Variants in ABLIM2 observed in about 807,000 individuals in gnomAD.
The protein encoded by ABLIM2 is actin binding LIM protein family member 2, also known as actin-binding LIM protein 2.
Under a neutral mutation model 97.7 loss-of-function variants are expected in ABLIM2, and 53 were observed. The ratio of observed to expected loss-of-function variants is 0.54; its 90% confidence interval spans 0.44 to 0.68. ABLIM2 has a LOEUF of 0.68. Among genes scored for constraint, ABLIM2 ranks in the 30% least tolerant of loss-of-function variants. The pLI is 0.00. For missense variants in ABLIM2, 835 were observed against 867.2 expected, an observed-to-expected ratio of 0.96 and a Z score of 0.47; for synonymous variants, 361 against 345.8, an observed-to-expected ratio of 1.04 and a Z score of -0.49.
rs1006145160 is a variant in ABLIM2 at position 8,002,753 on chromosome 4, C to A, written c.1618+5306G>T. Among the ~76,000 whole-genome samples, 4 of 152,220 alleles carry A rather than the reference C, an allele frequency of 2.6e-5. No individual in the cohort carries two copies. The highest frequency in any genetic ancestry group is 2.0e-4 in the Admixed American group (3 of 15,284). ...TTGAGTCCTCCCAAGGGCACACAAA[C>A]TGCTCTGTGACCTGACGCATGGCCC... On this transcript the variant is annotated intron_variant, in intron 16 of 20. Transcript: ENST00000447017. The surrounding 1 kb of genome is among the most constrained non-coding windows in gnomAD (Gnocchi z 6.1).
At chr4:7,977,385 C>T (rs1207381923) in intron 20 of ABLIM2, among the ~76,000 whole-genome samples, 1 of 152,090 alleles carries the variant, frequency 6.6e-6, no homozygotes, top group Non-Finnish European at 1.5e-5. Context: ...TGTATATGCA[C>T]ATATCACACA....
Position 8,140,591 on chromosome 4 carries a change from T to C in ABLIM2, c.10+18089A>G, listed in dbSNP as rs1328683082. Among the ~76,000 whole-genome samples, 2 of 151,986 alleles carry C rather than the reference T, an allele frequency of 1.3e-5. No individual in the cohort carries two copies. Among genetic ancestry groups the C allele is most frequent in the African/African-American group, 4.8e-5 (2 of 41,398 alleles). Reference sequence around the variant, plus strand: ...ATGCCCCTTCAAAAACAAACGCGCATTCTGTCTGTGATACCGTTACTCCCA... The same window carrying C: ...ATGCCCCTTCAAAAACAAACGCGCACTCTGTCTGTGATACCGTTACTCCCA... On this transcript the variant is annotated intron_variant, in intron 1 of 20. Transcript: ENST00000447017. This position sits in a 1 kb window ranked among gnomAD's most constrained non-coding sequence, Gnocchi z 5.9.
At chr4:7,977,900 A>G (rs1734843938) in intron 20 of ABLIM2, among the ~76,000 whole-genome samples, 1 of 152,200 alleles carries the variant, frequency 6.6e-6, no homozygotes, top group African/African-American at 2.4e-5. Context: ...GCAGGATGTC[A>G]AACCTGGATA....
At position 8,033,923 on chromosome 4, in the gene ABLIM2, A is replaced by C. The variant is rs1179796048; in HGVS notation, c.1047+2226T>G. Among the ~76,000 whole-genome samples the C allele has an allele frequency of 6.6e-6, 1 of 152,188 alleles. No homozygotes were observed. Among genetic ancestry groups the C allele is most frequent in the Non-Finnish European group, 1.5e-5 (1 of 68,028 alleles). On this transcript the variant is annotated intron_variant, in intron 10 of 20. Coordinates refer to ENST00000447017, the MANE Select transcript of ABLIM2 (RefSeq NM_001130083.2). This position sits in a 1 kb window ranked among gnomAD's most constrained non-coding sequence, Gnocchi z 4.5. ...ACATCACCTCTGCATGTGGCCCTTC[A>C]TGGCCACAGAGCCCTCCCACAGGGA... is the stretch of plus-strand genomic sequence containing the variant.
chr4:8,106,332 C>A (rs533901295), intron 2 of ABLIM2, among the ~76,000 whole-genome samples, 162 bp downstream of exon 2: 2 of 152,344 alleles, frequency 1.3e-5, no homozygotes, highest in East Asian at 3.9e-4. Flanking sequence ...AGTGACAAGG[C>A]TATGTTGAAA....
intron 2 of ABLIM2, among the ~76,000 whole-genome samples, chr4:8,102,541 A>G (rs1835193356): frequency 6.6e-6 from 1 of 152,212 alleles, no homozygotes; most frequent in Admixed American, 6.5e-5. Context: ...TGCTCAATAA[A>G]TAGTTATTGA....
At chr4:8,153,781 T>C (rs995596093) in intron 1 of ABLIM2, among the ~76,000 whole-genome samples, 9 of 152,112 alleles carry the variant, frequency 5.9e-5, no homozygotes, top group Non-Finnish European at 1.3e-4. Flanking sequence ...TGAAGAAAAC[T>C]TGGAAAACAC....
chr4:8,047,142 G>C (rs1290607078), intron 8 of ABLIM2, among the ~76,000 whole-genome samples: 1 of 152,246 alleles, frequency 6.6e-6, no homozygotes, highest in Non-Finnish European at 1.5e-5. Flanking sequence ...TGCAGCAGCA[G>C]GAGGACAACC....
intron 1 of ABLIM2, among the ~76,000 whole-genome samples, chr4:8,129,996 G>A (rs1335321309): frequency 6.6e-6 from 1 of 152,230 alleles, no homozygotes; most frequent in Admixed American, 6.5e-5. Context: ...AGTCAGCACA[G>A]CTGGTGCCCT....
chr4:8,158,120 A>G (rs1204539136), intron 1 of ABLIM2, among the ~76,000 whole-genome samples: 1 of 152,106 alleles, frequency 6.6e-6, no homozygotes, highest in East Asian at 1.9e-4. Context: ...GGGGCTGGAG[A>G]CGCGCAGAGA....
At chr4:8,007,836 G>A (rs757902740) in intron 16 of ABLIM2, 30 of 1,342,180 alleles carry the variant, frequency 2.2e-5, no homozygotes, top group African/African-American at 7.4e-5. Context: ...ACATGCAGGC[G>A]TGGCCCTCGT....
chr4:8,003,294 G>A lies in ABLIM2; in HGVS notation c.1618+4765C>T, dbSNP rs151250331. On this transcript the variant is annotated intron_variant, in intron 16 of 20. Coordinates refer to ENST00000447017, the MANE Select transcript of ABLIM2 (RefSeq NM_001130083.2). This position sits in a 1 kb window ranked among gnomAD's most constrained non-coding sequence, Gnocchi z 4.2. ...CTGCATTAGCCTTCGGCCAGGCAGA[G>A]TCATCTAGCACACAGCCTGGTGCAT... Among the ~76,000 whole-genome samples the A allele has an allele frequency of 6.6e-6, 1 of 152,374 alleles. No individual in the cohort carries two copies. Among genetic ancestry groups the A allele is most frequent in the African/African-American group, 2.4e-5 (1 of 41,598 alleles).
Position 8,140,508 on chromosome 4 carries a change from A to G in ABLIM2, c.10+18172T>C, listed in dbSNP as rs28446462. Reference sequence around the variant, plus strand: ...GGAGCATGGGGGAAAGGGGGCAGTGACACGGGGGCCTTGCCTGCATGTGGG... The same window carrying G: ...GGAGCATGGGGGAAAGGGGGCAGTGGCACGGGGGCCTTGCCTGCATGTGGG... On this transcript the variant is annotated intron_variant, in intron 1 of 20. Coordinates refer to ENST00000447017, the MANE Select transcript of ABLIM2 (RefSeq NM_001130083.2). This position sits in a 1 kb window ranked among gnomAD's most constrained non-coding sequence, Gnocchi z 5.9. Among the ~76,000 whole-genome samples, 40,386 of 151,880 alleles carry G rather than the reference A, an allele frequency of 0.27. 7,137 individuals are homozygous for G. The highest frequency in any genetic ancestry group is 0.51 in the African/African-American group (20,973 of 41,362).
At position 8,136,100 on chromosome 4, in the gene ABLIM2, G is replaced by A. The variant is rs1238247358; in HGVS notation, c.10+22580C>T. 2.6e-5 allele frequency among the ~76,000 whole-genome samples: 4 copies of A among 152,220 alleles called. No individual in the cohort carries two copies. The South Asian group carries it at 8.3e-4, about 32-fold the overall frequency. On this transcript the variant is annotated intron_variant, in intron 1 of 20. Coordinates refer to ENST00000447017, the MANE Select transcript of ABLIM2 (RefSeq NM_001130083.2). Reference sequence around the variant, plus strand: ...AGATGAGCAAAACGTGGTCTATACGGACGATGAAATAGCACTCAGCCCTAA... The same window carrying A: ...AGATGAGCAAAACGTGGTCTATACGAACGATGAAATAGCACTCAGCCCTAA...
At position 8,075,065 on chromosome 4, in the gene ABLIM2, T is replaced by C. The variant is rs1223766717; in HGVS notation, c.675+2563A>G. Among the ~76,000 whole-genome samples the C allele has an allele frequency of 6.6e-6, 1 of 152,212 alleles. No individual in the cohort carries two copies. Among genetic ancestry groups the C allele is most frequent in the Non-Finnish European group, 1.5e-5 (1 of 68,026 alleles). ...TCCCAAAGTGCTGGGATTACAGGCA[T>C]GAGCCACCGCTCCCGGCCCAGCCTG... On this transcript the variant is annotated intron_variant, in intron 6 of 20. Coordinates refer to ENST00000447017, the MANE Select transcript of ABLIM2 (RefSeq NM_001130083.2). This position sits in a 1 kb window ranked among gnomAD's most constrained non-coding sequence, Gnocchi z 4.4.
At chr4:8,055,552 G>A (rs750887162) in intron 7 of ABLIM2, among the ~76,000 whole-genome samples, 7 of 152,220 alleles carry the variant, frequency 4.6e-5, no homozygotes, top group African/African-American at 7.2e-5. Flanking sequence ...TTGCTCCCAC[G>A]AAGGTGAGGG....
intron 1 of ABLIM2, among the ~76,000 whole-genome samples, chr4:8,143,396 A>T (rs1409440855): frequency 2.6e-5 from 4 of 152,132 alleles, no homozygotes. Flanking sequence ...ACGGTGCACA[A>T]AAGGCAGATA....
At chr4:8,020,053 AG>A in intron 13 of ABLIM2, 148 bp downstream of exon 13, 1 of 682,292 alleles carries the variant, frequency 1.5e-6, no homozygotes, top group Non-Finnish European at 2.4e-6. Context: ...ATGGTTTTAA[AG>A]AAATCTCAGT....
intron 1 of ABLIM2, among the ~76,000 whole-genome samples, chr4:8,143,910 T>C (rs1406845864): frequency 6.6e-6 from 1 of 152,120 alleles, no homozygotes; most frequent in Non-Finnish European, 1.5e-5. Flanking sequence ...GTGAGGGGCA[T>C]CCTTCCTGGT....
Sources: allele counts gnomAD v4.1 joint callset (sites outside exome capture counted in the v4.1 genomes callset), GRCh38; gene constraint gnomAD v4.1.1; non-coding constraint Gnocchi (gnomAD v3.1); transcripts MANE v1.5; gene names NCBI Gene and HGNC (gene_info 2026-07-23, HGNC 2026-07-21).